The following NALF2 variants were observed in gnomAD, a reference collection of about 807,000 sequenced individuals.
NALF2 encodes bB57D9.1 (TED protein).
NALF2 carries 1 observed loss-of-function variant against 24.8 expected under a neutral mutation model. The ratio of observed to expected loss-of-function variants is 0.04; its 90% CI spans 0.01 to 0.19. The LOEUF (loss-of-function observed/expected upper bound fraction) is 0.19. Ranked by LOEUF, NALF2 falls within the 10% of genes least tolerant of loss-of-function variation. The pLI is 1.00. For missense variants in NALF2, 458 were observed against 409.6 expected, an observed-to-expected ratio of 1.12 and a Z score of -1.02; for synonymous variants, 254 against 189.8, an observed-to-expected ratio of 1.34 and a Z score of -2.78.
intron 1 of NALF2, among the ~76,000 whole-genome samples, chrX:69,525,665 A>T (rs1413332159): frequency 9.5e-6 from 1 of 104,855 alleles, no homozygotes; most frequent in African/African-American, 3.5e-5. Flanking sequence ...GCTTACCCCT[A>T]TCTCACCCTC....
chrX:69,529,742 A>AC lies in NALF2; in HGVS notation c.1210dup (p.His404ProfsTer3), dbSNP rs765562381. 16 of 1,205,982 alleles carry AC rather than the reference A, an allele frequency of 1.3e-5. No individual in the cohort carries two copies. Among genetic ancestry groups the AC allele is most frequent in the African/African-American group, 1.8e-5 (1 of 56,069 alleles). On this transcript the variant is annotated frameshift_variant, in exon 3 of 3. Coordinates refer to ENST00000252338, the MANE Select transcript of NALF2 (RefSeq NM_015686.3). LOFTEE classifies it high-confidence loss of function. Reference sequence around the variant, plus strand: ...TACCACCAACAGTACCATCACTACCACCCCCATCATGATCCCCCAGGCCGT... The same window carrying AC: ...TACCACCAACAGTACCATCACTACCACCCCCCATCATGATCCCCCAGGCCGT...
At position 69,531,016 on chromosome X, in the gene NALF2, C is replaced by A. The variant is rs1930897381; in HGVS notation, c.*1060C>A. On this transcript the variant is annotated 3_prime_UTR_variant, in exon 3 of 3. Transcript: ENST00000252338. Reference sequence around the variant, plus strand: ...GCCTGGCCCAGGTCCTTATACTCCCCTATCTTGTCCTAGCCCAGGCCTCCA... The same window carrying A: ...GCCTGGCCCAGGTCCTTATACTCCCATATCTTGTCCTAGCCCAGGCCTCCA... 1 of 112,710 alleles carries A rather than the reference C, an allele frequency of 8.9e-6. No homozygotes were observed. The highest frequency in any genetic ancestry group is 3.2e-5 in the African/African-American group (1 of 30,923). The allele number at this position is 112,710 out of a possible 1,213,427, so 9.3% of individuals were successfully genotyped here. A position where few individuals can be genotyped will look rare whatever the true frequency, so the allele number is the denominator to read the frequency against.
chrX:69,515,376 G>C (rs1048923665), intron 1 of NALF2, among the ~76,000 whole-genome samples: 5 of 112,204 alleles, frequency 4.5e-5, no homozygotes. Context: ...ATTCTGCAAG[G>C]TGAAGTTTCA....
chrX:69,531,240 T>A lies in NALF2; in HGVS notation c.*1284T>A, dbSNP rs1930900437. The A allele has an allele frequency of 8.8e-6, 1 of 113,062 alleles. No individual in the cohort carries two copies. Among genetic ancestry groups the A allele is most frequent in the Admixed American group, 9.3e-5 (1 of 10,741 alleles). The allele number at this position is 113,062 out of a possible 1,213,427, so 9.3% of individuals were successfully genotyped here. On this transcript the variant is annotated 3_prime_UTR_variant, in exon 3 of 3. Transcript: ENST00000252338. ...GTCTTCTGCTCCAGTCACCCCGGCC[T>A]CTTGCAAGAGAAAGTCCAGGGACTG...
chrX:69,532,426 T>C lies in NALF2; in HGVS notation c.*2470T>C, dbSNP rs781499611. On this transcript the variant is annotated 3_prime_UTR_variant, in exon 3 of 3. Coordinates refer to ENST00000252338, the MANE Select transcript of NALF2 (RefSeq NM_015686.3). Reference sequence around the variant, plus strand: ...GAGAGTCTCTGTATATGTACTGCTTTCTGTTTTGTTGCATTGTGGGGCAGA... The same window carrying C: ...GAGAGTCTCTGTATATGTACTGCTTCCTGTTTTGTTGCATTGTGGGGCAGA... 1 of 112,249 alleles carries C rather than the reference T, an allele frequency of 8.9e-6. No individual in the cohort carries two copies. Among genetic ancestry groups the C allele is most frequent in the South Asian group, 3.8e-4 (1 of 2,646 alleles). 9.3% of individuals were successfully genotyped at this position (112,249 alleles called of 1,213,427 possible).
intron 1 of NALF2, among the ~76,000 whole-genome samples, chrX:69,511,527 C>T (rs1440344201): frequency 8.9e-6 from 1 of 111,984 alleles, no homozygotes. Context: ...TTCATACAGA[C>T]ACACATCCCC....
intron 1 of NALF2, among the ~76,000 whole-genome samples, chrX:69,525,549 A>G (rs1930795271): frequency 9.2e-6 from 1 of 108,233 alleles, no homozygotes; most frequent in African/African-American, 3.4e-5. Context: ...TTGCTTTCTT[A>G]CAGCCCCATC....
At chrX:69,517,108 A>T (rs186268734) in intron 1 of NALF2, among the ~76,000 whole-genome samples, 25 of 111,551 alleles carry the variant, frequency 2.2e-4, no homozygotes, top group African/African-American at 7.5e-4. Context: ...GAGTTTAGAC[A>T]CCGAAGTCCA....
intron 1 of NALF2, among the ~76,000 whole-genome samples, chrX:69,518,632 C>T (rs1417624032): frequency 9.0e-6 from 1 of 111,487 alleles, no homozygotes; most frequent in Non-Finnish European, 1.9e-5. Context: ...ATATATACAC[C>T]TGTGTGTATA....
intron 1 of NALF2, among the ~76,000 whole-genome samples, chrX:69,512,971 A>G (rs1424390252): frequency 9.0e-6 from 1 of 111,386 alleles, no homozygotes; most frequent in Non-Finnish European, 1.9e-5. Context: ...TCTTTGTTCA[A>G]CGTCCCAGTC....
chrX:69,527,369 C>G (rs766828888), intron 1 of NALF2, among the ~76,000 whole-genome samples: 1 of 112,465 alleles, frequency 8.9e-6, no homozygotes, highest in East Asian at 2.8e-4. Flanking sequence ...CCACTAGTAC[C>G]TCCCTGCTTT....
At chrX:69,509,405 C>T (rs1188863288) in intron 1 of NALF2, among the ~76,000 whole-genome samples, 1 of 110,455 alleles carries the variant, frequency 9.1e-6, no homozygotes, top group Non-Finnish European at 1.9e-5. Flanking sequence ...TTCCTACTCT[C>T]TCTTCAGAAC....
Position 69,505,194 on chromosome X carries a change from G to C in NALF2, c.-89G>C. The C allele has an allele frequency of 2.1e-6, 2 of 946,268 alleles. No homozygotes were observed. Among genetic ancestry groups the C allele is most frequent in the Non-Finnish European group, 2.8e-6 (2 of 716,153 alleles). The allele number at this position is 946,268 out of a possible 1,213,427, so 78.0% of individuals were successfully genotyped here. On this transcript the variant is annotated 5_prime_UTR_variant, in exon 1 of 3. Transcript: ENST00000252338. ...GAGGTAGAGCCTGGACGGCGCCGAG[G>C]AGCGCAGAGCGGCGCGCAGCCCGCC...
At chrX:69,514,068 C>T (rs766111655) in intron 1 of NALF2, among the ~76,000 whole-genome samples, 76 of 110,647 alleles carry the variant, frequency 6.9e-4, no homozygotes, top group African/African-American at 2.4e-3. Flanking sequence ...CGGTGCACAC[C>T]TGTAATCCCA....
Position 69,505,890 on chromosome X carries a change from C to T in NALF2, c.608C>T (p.Thr203Met). The T allele has an allele frequency of 1.7e-6, 2 of 1,211,654 alleles. No homozygotes were observed. Among genetic ancestry groups the T allele is most frequent in the Non-Finnish European group, 2.2e-6 (2 of 895,440 alleles). ...NFTLSFCDTY[T>M]VWDLLLGMDR... ...ACTCTCTCCTTTTGCGACACCTACA[C>T]GGTCTGGGACTTGCTGCTGGGCATG... Residue 203 changes from threonine to methionine, a missense_variant, in exon 1 of 3, where the codon ACG becomes ATG. Physicochemically the swap from Thr to Met is moderately conservative, Grantham distance 81 (BLOSUM62 -1). Transcript: ENST00000252338.
chrX:69,512,660 A>C (rs1226662045), intron 1 of NALF2, among the ~76,000 whole-genome samples: 1 of 112,135 alleles, frequency 8.9e-6, no homozygotes, highest in Non-Finnish European at 1.9e-5. Context: ...GGCAGGCACT[A>C]TCATGATTCC....
intron 1 of NALF2, among the ~76,000 whole-genome samples, chrX:69,515,887 A>G (rs1930654593): frequency 8.9e-6 from 1 of 112,012 alleles, no homozygotes; most frequent in Admixed American, 9.5e-5. Context: ...AGTACATGAT[A>G]TTATTCCCAT....
chrX:69,525,137 G>A (rs896163909), intron 1 of NALF2, among the ~76,000 whole-genome samples: 1 of 112,067 alleles, frequency 8.9e-6, no homozygotes, highest in Non-Finnish European at 1.9e-5. Context: ...GATGACGGGA[G>A]CGCCCAGCCA....
intron 1 of NALF2, among the ~76,000 whole-genome samples, chrX:69,524,930 G>A (rs935335089): frequency 3.6e-5 from 4 of 111,557 alleles, no homozygotes; most frequent in African/African-American, 9.8e-5. Context: ...TTCCTGCCTC[G>A]CCACCCACAG....
Sources: allele counts gnomAD v4.1 joint callset (sites outside exome capture counted in the v4.1 genomes callset), GRCh38; gene constraint gnomAD v4.1.1; transcripts MANE v1.5; gene names NCBI Gene and HGNC (gene_info 2026-07-23, HGNC 2026-07-21).